Variants in ATE1 observed in about 807,000 individuals in gnomAD.
The protein encoded by ATE1 is arginyl-tRNA--protein transferase 1.
In ATE1, 36 loss-of-function variants were observed where a neutral mutation model predicts 70.5. That is an observed-to-expected ratio of 0.51 (90% CI 0.39 to 0.67). The LOEUF (loss-of-function observed/expected upper bound fraction) is 0.67. ATE1 is among the 30% of genes least tolerant of loss of function. The pLI is 0.00. For missense variants in ATE1, 593 were observed against 629.5 expected (o/e 0.94, Z 0.62); for synonymous variants, 232 against 219.3 (o/e 1.06, Z -0.51).
At chr10:121,782,795 G>A (rs1039183484) in intron 11 of ATE1, 1 of 152,190 alleles carries the variant, frequency 6.6e-6, no homozygotes, top group African/African-American at 2.4e-5. Flanking sequence ...AGTGCAGCTA[G>A]AATATAAGCA....
intron 11 of ATE1, among the ~76,000 whole-genome samples, chr10:121,788,520 T>C (rs1193713996): frequency 6.6e-6 from 1 of 152,184 alleles, no homozygotes; most frequent in East Asian, 1.9e-4. Flanking sequence ...ATACATTACA[T>C]GGGCCAATTT....
chr10:121,761,647 T>C (rs948546265), intron 11 of ATE1, among the ~76,000 whole-genome samples: 1 of 152,126 alleles, frequency 6.6e-6, no homozygotes, highest in Admixed American at 6.5e-5. Context: ...TTCTGGGAAA[T>C]TTAGGGTGCT....
intron 10 of ATE1, among the ~76,000 whole-genome samples, chr10:121,795,620 G>T (rs1433904487): frequency 6.6e-6 from 1 of 152,228 alleles, no homozygotes; most frequent in South Asian, 2.1e-4. Flanking sequence ...TTTAGACTAG[G>T]TTAAAACATT....
At chr10:121,873,113 C>A (rs867223251) in intron 7 of ATE1, among the ~76,000 whole-genome samples, 11 of 152,008 alleles carry the variant, frequency 7.2e-5, no homozygotes, top group Admixed American at 5.2e-4. Flanking sequence ...AAAGGAATAA[C>A]CTGCATGATA....
At chr10:121,866,813 C>A (rs1015991024) in intron 8 of ATE1, among the ~76,000 whole-genome samples, 9 of 147,742 alleles carry the variant, frequency 6.1e-5, no homozygotes, top group Non-Finnish European at 8.9e-5. Context: ...GCTATCTGCA[C>A]TCCAGCCTGG....
At chr10:121,876,326 T>C (rs557190014) in intron 7 of ATE1, among the ~76,000 whole-genome samples, 2 of 152,346 alleles carry the variant, frequency 1.3e-5, no homozygotes, top group Admixed American at 1.3e-4. Context: ...ATATCCTAAT[T>C]AATGAGCTAC....
intron 8 of ATE1, among the ~76,000 whole-genome samples, chr10:121,845,067 A>AACACAACCTTTATATGCTCTGG (rs1948765956): frequency 6.6e-6 from 1 of 152,220 alleles, no homozygotes; most frequent in African/African-American, 2.4e-5. Flanking sequence ...TGCACACTTA[A>AACACAACCTTTATATGCTCTGG]GAGACTACAG....
chr10:121,741,389 AC>A lies in ATE1; in HGVS notation c.*2290del, dbSNP rs1425965351. On this transcript the variant is annotated 3_prime_UTR_variant, in exon 12 of 12. Transcript: ENST00000224652. ...TAGAAGGATCTCCAATGCTCAAGTCACTCTGAGTCTTTGCTGGTGTCAACCT... is the reference window on the plus strand; with the variant it reads ...TAGAAGGATCTCCAATGCTCAAGTCATCTGAGTCTTTGCTGGTGTCAACCT... 5 of 152,182 alleles carry A rather than the reference AC, an allele frequency of 3.3e-5. No homozygotes were observed. Among genetic ancestry groups the A allele is most frequent in the African/African-American group, 1.2e-4 (5 of 41,446 alleles). 9.4% of individuals were successfully genotyped at this position (152,182 alleles called of 1,614,324 possible). A position where few individuals can be genotyped will look rare whatever the true frequency, so the allele number is the denominator to read the frequency against.
At chr10:121,898,906 A>T in intron 7 of ATE1, 1 of 1,614,038 alleles carries the variant, frequency 6.2e-7, no homozygotes, top group African/African-American at 1.3e-5. Flanking sequence ...ACATACAAAG[A>T]AAAGGACTGG....
At chr10:121,866,214 T>G (rs908882702) in intron 8 of ATE1, among the ~76,000 whole-genome samples, 1 of 152,198 alleles carries the variant, frequency 6.6e-6, no homozygotes. Flanking sequence ...TGGTGGAGAC[T>G]TAGGGGTAGC....
intron 1 of ATE1, among the ~76,000 whole-genome samples, 153 bp from the exon 2 acceptor site, chr10:121,924,482 C>G (rs1952004854): frequency 6.6e-6 from 1 of 152,062 alleles, no homozygotes; most frequent in Admixed American, 6.6e-5. Context: ...GGGCAAATCA[C>G]AAGGTCAGGA....
intron 10 of ATE1, among the ~76,000 whole-genome samples, chr10:121,792,176 A>T (rs1182262031): frequency 6.6e-6 from 1 of 152,186 alleles, no homozygotes; most frequent in Non-Finnish European, 1.5e-5. Context: ...AAGAAATGAG[A>T]ACAATCTAGA....
intron 8 of ATE1, among the ~76,000 whole-genome samples, chr10:121,861,766 G>T (rs1210979961): frequency 6.9e-6 from 1 of 144,976 alleles, no homozygotes; most frequent in Non-Finnish European, 1.5e-5. Flanking sequence ...AAAAAAAAGA[G>T]ATATATGGCT....
chr10:121,828,060 A>T (rs1948095564), intron 10 of ATE1, among the ~76,000 whole-genome samples: 1 of 152,238 alleles, frequency 6.6e-6, no homozygotes, highest in Admixed American at 6.5e-5. Context: ...GCATGTTAAG[A>T]TACCTCGTAA....
intron 7 of ATE1, 76 bp from the exon 8 acceptor site, chr10:121,870,114 A>C (rs374311564): frequency 6.6e-6 from 9 of 1,369,554 alleles, no homozygotes; most frequent in Middle Eastern, 1.8e-4. Context: ...AAAAGAAAAA[A>C]TTATTATACA....
chr10:121,877,312 T>C (rs1003465602), intron 7 of ATE1, among the ~76,000 whole-genome samples: 3 of 152,172 alleles, frequency 2.0e-5, no homozygotes, highest in Non-Finnish European at 4.4e-5. Flanking sequence ...TCTGGTTTTT[T>C]AAAGTAAACA....
Position 121,742,032 on chromosome 10 carries a change from G to A in ATE1, c.*1648C>T, listed in dbSNP as rs922077623. The A allele has an allele frequency of 3.3e-5, 5 of 152,168 alleles. No individual in the cohort carries two copies. Among genetic ancestry groups the A allele is most frequent in the African/African-American group, 1.2e-4 (5 of 41,440 alleles). 9.4% of individuals were successfully genotyped at this position (152,168 alleles called of 1,614,324 possible). ...AGATTCTGAAGGCAGTTCCAAGTAAGTCTCTCAAATGCTCTTACGAGACTA... is the reference window on the plus strand; with the variant it reads ...AGATTCTGAAGGCAGTTCCAAGTAAATCTCTCAAATGCTCTTACGAGACTA... On this transcript the variant is annotated 3_prime_UTR_variant, in exon 12 of 12. Coordinates refer to ENST00000224652, the MANE Select transcript of ATE1 (RefSeq NM_001001976.3).
chr10:121,769,078 C>T, intron 11 of ATE1, among the ~76,000 whole-genome samples: 1 of 151,992 alleles, frequency 6.6e-6, no homozygotes, highest in East Asian at 1.9e-4. Flanking sequence ...GGCAAAAGAG[C>T]TACAATAACG....
At chr10:121,769,120 T>A (rs1407379424) in intron 11 of ATE1, among the ~76,000 whole-genome samples, 2 of 152,138 alleles carry the variant, frequency 1.3e-5, no homozygotes, top group East Asian at 1.9e-4. Flanking sequence ...AATGGGAGAA[T>A]AACTTTTCCC....
Sources: gnomAD v4.1 joint callset for allele counts (sites outside exome capture counted in the v4.1 genomes callset) on GRCh38, gnomAD v4.1.1 for gene constraint, MANE v1.5 for transcripts, NCBI Gene and HGNC (gene_info 2026-07-23, HGNC 2026-07-21) for gene names.